Variants in RBFOX1 observed in about 807,000 individuals in gnomAD.
RBFOX1 encodes RNA binding protein fox-1 homolog 1.
In RBFOX1, 8 loss-of-function variants were observed where a neutral mutation model predicts 57.7. That is an observed-to-expected ratio of 0.14 (90% CI 0.08 to 0.25). The LOEUF (loss-of-function observed/expected upper bound fraction) is 0.25, where lower values mean the gene tolerates loss of function less well. Ranked by LOEUF, RBFOX1 falls within the 10% of genes least tolerant of loss-of-function variation. The pLI is 1.00. For synonymous variants in RBFOX1, 326 were observed against 222.4 expected, an observed-to-expected ratio of 1.47 and a Z score of -4.15; for missense variants, 611 against 548.5, an observed-to-expected ratio of 1.11 and a Z score of -1.14.
In RBFOX1 at chr16:7,020,151, C is replaced by G. The variant is rs558777217; in HGVS notation, c.-15-31906C>G. Reference sequence around the variant, plus strand: ...AGGCCAGGTGCGGCGTACCCGGGGACTCTTTTATGCCATCTTTATACCTCT... The same window carrying G: ...AGGCCAGGTGCGGCGTACCCGGGGAGTCTTTTATGCCATCTTTATACCTCT... On this transcript the variant is annotated intron_variant, in intron 3 of 15. Transcript: ENST00000550418. Among the ~76,000 whole-genome samples, 4 of 152,212 alleles carry G rather than the reference C, an allele frequency of 2.6e-5. No individual in the cohort carries two copies. The South Asian group carries it at 8.3e-4, about 32-fold the overall frequency.
intron 7 of RBFOX1, among the ~76,000 whole-genome samples, chr16:7,590,863 G>A (rs1184060431): frequency 6.4e-3 from 658 of 102,634 alleles, no homozygotes; most frequent in East Asian, 9.7e-3. Flanking sequence ...CTGTCTCTAA[G>A]AAAAAAAAAA....
intron 13 of RBFOX1, among the ~76,000 whole-genome samples, chr16:7,673,472 T>G (rs1210192049): frequency 6.6e-6 from 1 of 152,164 alleles, no homozygotes; most frequent in East Asian, 1.9e-4. Context: ...TTTGGGAGGC[T>G]GAATTGGGAG....
chr16:6,803,930 C>T (rs961527662), intron 3 of RBFOX1, among the ~76,000 whole-genome samples: 2 of 151,998 alleles, frequency 1.3e-5, no homozygotes, highest in South Asian at 2.1e-4. Context: ...GATCTGGCAT[C>T]TTGTTTAGAA....
chr16:7,552,791 T>A (rs1409828809), intron 5 of RBFOX1, among the ~76,000 whole-genome samples: 1 of 152,152 alleles, frequency 6.6e-6, no homozygotes, highest in East Asian at 1.9e-4. Context: ...CAAGAGATTC[T>A]CCTGCCTCAG....
intron 1 of RBFOX1, among the ~76,000 whole-genome samples, chr16:6,288,602 A>G (rs879261523): frequency 1.3e-5 from 2 of 152,166 alleles, no homozygotes; most frequent in African/African-American, 2.4e-5. Flanking sequence ...CAGTCAGGTG[A>G]GAGCTGTTGT....
chr16:5,590,875 C>G (rs572958163), intron 2 of RBFOX1, among the ~76,000 whole-genome samples: 16 of 152,140 alleles, frequency 1.1e-4, no homozygotes, highest in Non-Finnish European at 2.1e-4. Context: ...GTACTGGTGG[C>G]TTGCATGCTG....
chr16:6,561,469 T>G (rs1032449718), intron 2 of RBFOX1, among the ~76,000 whole-genome samples: 3 of 152,242 alleles, frequency 2.0e-5, no homozygotes, highest in Admixed American at 1.3e-4. Context: ...TGAGGAAACC[T>G]TCCCTGTTGT....
intron 4 of RBFOX1, among the ~76,000 whole-genome samples, chr16:7,316,963 A>AACACACACACACACACACAC (rs112548867): frequency 4.1e-5 from 6 of 146,886 alleles, no homozygotes; most frequent in African/African-American, 7.6e-5. Flanking sequence ...AAGAAGACAG[A>AACACACACACACACACACAC]ACACACACAC....
intron 3 of RBFOX1, among the ~76,000 whole-genome samples, chr16:5,639,691 C>T (rs748858347): frequency 1.3e-5 from 2 of 152,148 alleles, no homozygotes; most frequent in East Asian, 1.9e-4. Flanking sequence ...CACATGCCTA[C>T]CAGGCTGTAG....
At chr16:5,493,330 C>A (rs1156474527) in intron 2 of RBFOX1, among the ~76,000 whole-genome samples, 2 of 152,154 alleles carry the variant, frequency 1.3e-5, no homozygotes, top group African/African-American at 2.4e-5. Context: ...CCTTGGCCTC[C>A]CAAAGTCCTA....
chr16:7,638,290 T>A (rs1352168094), intron 11 of RBFOX1, among the ~76,000 whole-genome samples: 1 of 152,210 alleles, frequency 6.6e-6, no homozygotes, highest in Non-Finnish European at 1.5e-5. Flanking sequence ...GTATGATTAA[T>A]TATGCTACCT....
At chr16:6,706,241 C>A (rs749700913) in intron 3 of RBFOX1, among the ~76,000 whole-genome samples, 3 of 152,112 alleles carry the variant, frequency 2.0e-5, no homozygotes, top group African/African-American at 7.2e-5. Context: ...CTTTCCTGGT[C>A]GCCCATGTCC....
intron 2 of RBFOX1, among the ~76,000 whole-genome samples, chr16:6,440,215 G>T (rs1168343513): frequency 2.0e-5 from 3 of 151,886 alleles, no homozygotes; most frequent in Non-Finnish European, 4.4e-5. Flanking sequence ...GATTACAGGC[G>T]TGAGCCTTAG....
At chr16:6,892,794 C>CTCTCTA in intron 3 of RBFOX1, among the ~76,000 whole-genome samples, 1 of 83,972 alleles carries the variant, frequency 1.2e-5, no homozygotes, top group African/African-American at 3.6e-5. Context: ...CTCTCTCTCT[C>CTCTCTA]TCTCTCTCTC....
chr16:6,948,440 G>A (rs1413168386), intron 3 of RBFOX1, among the ~76,000 whole-genome samples: 1 of 123,120 alleles, frequency 8.1e-6, no homozygotes, highest in Non-Finnish European at 1.6e-5. Context: ...AGGCTGGAGT[G>A]CAGTTTATCT....
intron 4 of RBFOX1, among the ~76,000 whole-genome samples, chr16:5,922,016 C>G (rs927445532): frequency 6.6e-6 from 1 of 151,972 alleles, no homozygotes; most frequent in Non-Finnish European, 1.5e-5. Context: ...GAAAAATTCG[C>G]CGGGCATGGT....
At chr16:7,266,242 T>C (rs2095136135) in intron 4 of RBFOX1, among the ~76,000 whole-genome samples, 1 of 152,048 alleles carries the variant, frequency 6.6e-6, no homozygotes, top group African/African-American at 2.4e-5. Flanking sequence ...CCCAAAGTGC[T>C]GGGATTACAG....
At chr16:5,264,273 C>A (rs1414288834) in intron 1 of RBFOX1, among the ~76,000 whole-genome samples, 1 of 151,986 alleles carries the variant, frequency 6.6e-6, no homozygotes, top group African/African-American at 2.4e-5. Flanking sequence ...TAAAGAGCCA[C>A]CGTTTGATGT....
intron 2 of RBFOX1, among the ~76,000 whole-genome samples, chr16:6,569,104 C>A (rs960434670): frequency 6.6e-6 from 1 of 152,184 alleles, no homozygotes; most frequent in Non-Finnish European, 1.5e-5. Context: ...GTCAGCAGCC[C>A]AGCTTTGAAT....
Sources: allele counts gnomAD v4.1 joint callset (sites outside exome capture counted in the v4.1 genomes callset), GRCh38; gene constraint gnomAD v4.1.1; transcripts MANE v1.5; gene names NCBI Gene and HGNC (gene_info 2026-07-23, HGNC 2026-07-21).